Variants in DOCK1 observed in about 807,000 individuals in gnomAD.
DOCK1 encodes the protein dedicator of cytokinesis 1, also known as dedicator of cytokinesis protein 1.
Under a neutral mutation model 262.7 loss-of-function variants are expected in DOCK1, and 138 were observed. The observed-to-expected ratio is 0.53, with a 90% CI of 0.46 to 0.61. The LOEUF is 0.61. DOCK1 is among the 20% of genes least tolerant of loss of function. DOCK1 has a pLI of 0.00. For missense variants in DOCK1, 1,908 were observed against 2,370.7 expected, an observed-to-expected ratio of 0.80 and a Z score of 4.05; for synonymous variants, 866 against 867.4, an observed-to-expected ratio of 1.00 and a Z score of 0.03.
intron 22 of DOCK1, 27 bp downstream of exon 22, chr10:127,052,842 G>A (rs1174850797): frequency 1.9e-6 from 3 of 1,590,170 alleles, no homozygotes; most frequent in Non-Finnish European, 2.6e-6. Context: ...TCCATGCCCG[G>A]GCTCTCAGAG....
intron 29 of DOCK1, among the ~76,000 whole-genome samples, chr10:127,264,571 C>CTT (rs1362325647): frequency 6.6e-6 from 1 of 152,132 alleles, no homozygotes; most frequent in Non-Finnish European, 1.5e-5. Flanking sequence ...CAGGATAAAA[C>CTT]ATAAAGGCAA....
chr10:127,085,137 A>G (rs2047120894), intron 23 of DOCK1, among the ~76,000 whole-genome samples: 1 of 152,196 alleles, frequency 6.6e-6, no homozygotes, highest in Non-Finnish European at 1.5e-5. Flanking sequence ...AAGAATCCTT[A>G]TCTTTTTGCT....
At chr10:127,441,735 C>G (rs909975722) in intron 49 of DOCK1, among the ~76,000 whole-genome samples, 13 of 151,616 alleles carry the variant, frequency 8.6e-5, no homozygotes, top group South Asian at 8.4e-4. Context: ...GCCCTTCCCC[C>G]CTGCGGGCCT....
chr10:127,018,758 G>A lies in DOCK1; in HGVS notation c.1250G>A (p.Arg417Gln), dbSNP rs1389761562. Reference sequence around the variant, plus strand: ...CTTCCTGGAGATATCCATCAGATCCGAAAAGAGTTTCCGCATTTAGTGGAC... The same window carrying A: ...CTTCCTGGAGATATCCATCAGATCCAAAAAGAGTTTCCGCATTTAGTGGAC... ...KLLPGDIHQI[R>Q]KEFPHLVDRT... Residue 417 changes from arginine to glutamine, a missense_variant, in exon 13 of 52, where the codon CGA becomes CAA. Transcript: ENST00000623213. The A allele has an allele frequency of 3.7e-6, 6 of 1,614,004 alleles. No homozygotes were observed. The highest frequency in any genetic ancestry group is 5.1e-6 in the Non-Finnish European group (6 of 1,179,896).
intron 1 of DOCK1, among the ~76,000 whole-genome samples, chr10:126,943,934 A>T (rs1193165588): frequency 4.6e-5 from 7 of 152,132 alleles, no homozygotes; most frequent in Admixed American, 1.3e-4. Context: ...ATTTGGACTT[A>T]ATGCTCAGAG....
chr10:127,206,970 T>G (rs2134288252), intron 27 of DOCK1, among the ~76,000 whole-genome samples: 1 of 152,350 alleles, frequency 6.6e-6, no homozygotes, highest in East Asian at 1.9e-4. Flanking sequence ...ATAAACAGAC[T>G]TAGTGGCCTA....
intron 29 of DOCK1, among the ~76,000 whole-genome samples, chr10:127,337,901 G>T: frequency 1.3e-5 from 2 of 152,218 alleles, no homozygotes; most frequent in Non-Finnish European, 2.9e-5. Flanking sequence ...GTGATGGGCG[G>T]GAGGTGGTGG....
At chr10:127,200,395 A>T (rs994284851) in intron 27 of DOCK1, among the ~76,000 whole-genome samples, 19 of 152,182 alleles carry the variant, frequency 1.2e-4, no homozygotes, top group African/African-American at 4.3e-4. Flanking sequence ...TATATTTTGC[A>T]AGAATCGATA....
At chr10:127,298,996 G>T (rs1664263412) in intron 29 of DOCK1, among the ~76,000 whole-genome samples, 1 of 152,152 alleles carries the variant, frequency 6.6e-6, no homozygotes, top group Non-Finnish European at 1.5e-5. Flanking sequence ...TCAAAGATAG[G>T]CTGAAGTCCT....
intron 27 of DOCK1, among the ~76,000 whole-genome samples, chr10:127,241,024 T>C (rs1417822403): frequency 6.6e-6 from 1 of 152,148 alleles, no homozygotes; most frequent in Non-Finnish European, 1.5e-5. Flanking sequence ...TACCTGAGGA[T>C]AGTAATTATA....
At chr10:127,092,795 TA>T (rs781298567) in intron 23 of DOCK1, among the ~76,000 whole-genome samples, 16 of 152,206 alleles carry the variant, frequency 1.1e-4, no homozygotes, top group South Asian at 6.2e-4. Flanking sequence ...CATTCATTTT[TA>T]TTACAATTTA....
In DOCK1 at chr10:126,926,290, A is replaced by G. The variant is rs78248286; in HGVS notation, c.46+20727A>G. 8.0e-3 allele frequency among the ~76,000 whole-genome samples: 1,209 copies of G among 151,890 alleles called. 25 individuals carry two copies. The highest frequency in any genetic ancestry group is 0.027 in the African/African-American group (1,138 of 41,436). On this transcript the variant is annotated intron_variant, in intron 1 of 51. Transcript: ENST00000623213. Reference sequence around the variant, plus strand: ...TTTAAATACTAGAGAGCTGTTAAGAATCATCAGATTTCCACATAAAACACT... The same window carrying G: ...TTTAAATACTAGAGAGCTGTTAAGAGTCATCAGATTTCCACATAAAACACT...
At chr10:127,073,456 A>C (rs2046345481) in intron 23 of DOCK1, among the ~76,000 whole-genome samples, 1 of 152,228 alleles carries the variant, frequency 6.6e-6, no homozygotes, top group Admixed American at 6.5e-5. Context: ...TCACATTAGA[A>C]AGAAGGAAAT....
rs542605236 is a variant in DOCK1, at chr10:127,084,827, TC to T, written c.2446-21403del. Reference sequence around the variant, plus strand: ...GGATTGGTTGATGGGCAGAGCTGGCTCTGTGAAAGGGGGTTAATCTGAGGCA... The same window carrying T: ...GGATTGGTTGATGGGCAGAGCTGGCTTGTGAAAGGGGGTTAATCTGAGGCA... On this transcript the variant is annotated intron_variant, in intron 23 of 51. Transcript: ENST00000623213. Among the ~76,000 whole-genome samples, 11 of 152,240 alleles carry T rather than the reference TC, an allele frequency of 7.2e-5. No homozygotes were observed. The East Asian group carries it at 2.1e-3, about 29-fold the overall frequency.
intron 43 of DOCK1, among the ~76,000 whole-genome samples, chr10:127,412,188 T>G (rs2067896030): frequency 6.6e-6 from 1 of 152,036 alleles, no homozygotes; most frequent in African/African-American, 2.4e-5. Flanking sequence ...GGTCTCGATC[T>G]CCTGACCTCG....
At chr10:127,428,740 G>T (rs1291116945) in intron 47 of DOCK1, among the ~76,000 whole-genome samples, 1 of 148,568 alleles carries the variant, frequency 6.7e-6, no homozygotes, top group Non-Finnish European at 1.5e-5. Flanking sequence ...CCTGTGGATT[G>T]GGGTGCTGTG....
intron 23 of DOCK1, among the ~76,000 whole-genome samples, chr10:127,078,726 G>T (rs2046719235): frequency 2.0e-5 from 3 of 152,240 alleles, no homozygotes; most frequent in African/African-American, 7.2e-5. Flanking sequence ...AGTAGATAAA[G>T]AACATGATGG....
intron 27 of DOCK1, among the ~76,000 whole-genome samples, chr10:127,156,277 C>T (rs1330460832): frequency 1.3e-5 from 2 of 152,140 alleles, no homozygotes; most frequent in African/African-American, 2.4e-5. Context: ...CATACAGTCA[C>T]ACTTCAGGTC....
At chr10:127,095,900 T>TGTGATACAGAAACACGCAGATACTTGTGG (rs542739617) in intron 23 of DOCK1, among the ~76,000 whole-genome samples, 59 of 152,310 alleles carry the variant, frequency 3.9e-4, no homozygotes, top group African/African-American at 1.3e-3. Flanking sequence ...GTTTGGGCTT[T>TGTGATACAGAAACACGCAGATACTTGTGG]GTGATACAGA....
Sources: gnomAD v4.1 joint callset for allele counts (sites outside exome capture counted in the v4.1 genomes callset) on GRCh38, gnomAD v4.1.1 for gene constraint, MANE v1.5 for transcripts, NCBI Gene and HGNC (gene_info 2026-07-23, HGNC 2026-07-21) for gene names.